The following ZNF652 variants were observed in gnomAD, a reference collection of about 807,000 sequenced individuals.
The protein encoded by ZNF652 is zinc finger protein 652.
A neutral mutation model predicts 45.2 loss-of-function variants in ZNF652; 16 were observed. The ratio of observed to expected loss-of-function variants is 0.35; its 90% confidence interval spans 0.24 to 0.54. The LOEUF (loss-of-function observed/expected upper bound fraction) is 0.54. ZNF652 is among the 20% of genes least tolerant of loss of function. The pLI is 0.91. For synonymous variants in ZNF652, 250 were observed against 260.6 expected, an observed-to-expected ratio of 0.96 and a Z score of 0.39; for missense variants, 614 against 765.6, an observed-to-expected ratio of 0.80 and a Z score of 2.34.
At chr17:49,356,452 T>A (rs867919806) in intron 1 of ZNF652, among the ~76,000 whole-genome samples, 1,301 of 47,532 alleles carry the variant, frequency 0.027, no homozygotes, top group Middle Eastern at 0.033. Flanking sequence ...AAAAAAAAAA[T>A]CAAAACCAAA....
At chr17:49,326,022 T>C (rs1598301510) in intron 1 of ZNF652, among the ~76,000 whole-genome samples, 1 of 152,008 alleles carries the variant, frequency 6.6e-6, no homozygotes, top group East Asian at 1.9e-4. Flanking sequence ...AATGGGGGCT[T>C]TTCGGAAAAG....
At chr17:49,320,961 T>C (rs1268925958) in intron 1 of ZNF652, among the ~76,000 whole-genome samples, 1 of 152,150 alleles carries the variant, frequency 6.6e-6, no homozygotes, top group African/African-American at 2.4e-5. Flanking sequence ...GCAATTCTCC[T>C]GCCTCAGCCT....
chr17:49,345,501 C>G (rs1314699581), intron 1 of ZNF652, among the ~76,000 whole-genome samples: 1 of 150,602 alleles, frequency 6.6e-6, no homozygotes, highest in Non-Finnish European at 1.5e-5. Flanking sequence ...CGCGCCTGGC[C>G]GTGTTATTTC....
At chr17:49,341,730 A>AT (rs2070148988) in intron 1 of ZNF652, among the ~76,000 whole-genome samples, 1 of 152,130 alleles carries the variant, frequency 6.6e-6, no homozygotes, top group Non-Finnish European at 1.5e-5. Flanking sequence ...AAAGCGTCTA[A>AT]TTTTCTCTTG....
At chr17:49,322,310 C>G (rs1317112858) in intron 1 of ZNF652, 1 of 152,158 alleles carries the variant, frequency 6.6e-6, no homozygotes, top group African/African-American at 2.4e-5. Context: ...CAAGCTTTCT[C>G]AAAATTACAA....
intron 5 of ZNF652, 60 bp from the exon 6 acceptor site, chr17:49,298,984 C>CTT (rs541337059): frequency 3.0e-5 from 36 of 1,203,730 alleles, no homozygotes; most frequent in African/African-American, 1.9e-4. Flanking sequence ...TGTGCTCAAG[C>CTT]TTTTTTTTTT....
At chr17:49,360,233 G>C (rs1352250280) in intron 1 of ZNF652, among the ~76,000 whole-genome samples, 1 of 152,120 alleles carries the variant, frequency 6.6e-6, no homozygotes, top group Non-Finnish European at 1.5e-5. Context: ...CTCAGGGCCA[G>C]ACAATGTACT....
At chr17:49,329,980 T>A (rs9891264) in intron 1 of ZNF652, among the ~76,000 whole-genome samples, 16,259 of 152,234 alleles carry the variant, frequency 0.11, 1,190 homozygotes, top group African/African-American at 0.2. Context: ...CTAATTAAGC[T>A]ATACCACAGG....
intron 5 of ZNF652, among the ~76,000 whole-genome samples, chr17:49,299,847 CTTTTT>C (rs562495965): frequency 7.4e-6 from 1 of 135,434 alleles, no homozygotes; most frequent in Non-Finnish European, 1.6e-5. Context: ...GCCTGGCTAT[CTTTTT>C]TTTTTTTTTT....
Position 49,317,425 on chromosome 17 carries a change from C to G in ZNF652, c.301G>C (p.Asp101His). 1.2e-6 allele frequency: 2 copies of G among 1,614,182 alleles called. No homozygotes were observed. Among genetic ancestry groups the G allele is most frequent in the Non-Finnish European group, 1.7e-6 (2 of 1,180,042 alleles). ...HAVKEDRENSDDTEEEEEEVS... is the reference protein window; with the variant it reads ...HAVKEDRENSHDTEEEEEEVS... ...TCTTCCTCTTCCTCCTCTGTGTCAT[C>G]AGAATTCTCCCGGTCTTCCTTAACA... is the stretch of plus-strand genomic sequence containing the variant. Residue 101 changes from aspartate (D) to histidine (H), a missense_variant, in exon 2 of 6, where the codon GAT (aspartate) becomes CAT (histidine). Physicochemically the swap from Asp to His is moderately conservative, Grantham distance 81. Around this residue, in one of 5 missense-constraint regions of ZNF652, gnomAD observed 133 missense variants for 132.2 expected, o/e 1.01. Transcript: ENST00000430262.
chr17:49,342,561 G>T lies in ZNF652; in HGVS notation c.-259+19348C>A, dbSNP rs1367813716. ...ATGCCAGATAACAGATAAAGGGGGG[G>T]GGGGGGGGGGAATCAATACATTTTC... On this transcript the variant is annotated intron_variant, in intron 1 of 5. Transcript: ENST00000430262. Among the ~76,000 whole-genome samples, 2 of 139,916 alleles carry T rather than the reference G, an allele frequency of 1.4e-5. 1 individual carries two copies. The highest frequency in any genetic ancestry group is 7.3e-3 in the Middle Eastern group (2 of 274). The allele number at this position is 139,916 out of a possible 152,430, so 91.8% of individuals were successfully genotyped here.
rs1406549052 is a variant in ZNF652 at position 49,295,958 on chromosome 17, A to C, written c.*2455T>G. The C allele has an allele frequency of 6.6e-6, 1 of 150,568 alleles. No individual in the cohort carries two copies. Among genetic ancestry groups the C allele is most frequent in the Admixed American group, 6.6e-5 (1 of 15,144 alleles). The allele number at this position is 150,568 out of a possible 1,614,324, so 9.3% of individuals were successfully genotyped here. On this transcript the variant is annotated 3_prime_UTR_variant, in exon 6 of 6. Coordinates refer to ENST00000430262, the MANE Select transcript of ZNF652 (RefSeq NM_001145365.3). ...GCCTCAAAAAAAAAAAAAAAAAAAA[A>C]AAAAAAACAGAACAAAATATAACCA...
rs1191776722 is a variant in ZNF652 at position 49,352,703 on chromosome 17, C to T, written c.-259+9206G>A. Among the ~76,000 whole-genome samples, 3 of 152,306 alleles carry T rather than the reference C, an allele frequency of 2.0e-5. No individual in the cohort carries two copies. The East Asian group carries it at 5.8e-4, about 29-fold the overall frequency. ...CATGAACATTTACAGTGGCTCTGTT[C>T]ATAATCACCCGAAACTGGAAGCCAA... On this transcript the variant is annotated intron_variant, in intron 1 of 5. Transcript: ENST00000430262.
chr17:49,360,574 TCA>T (rs1375596705), intron 1 of ZNF652, among the ~76,000 whole-genome samples: 2 of 152,042 alleles, frequency 1.3e-5, no homozygotes, highest in African/African-American at 4.8e-5. Flanking sequence ...CCACTGACAA[TCA>T]CAGTGTCAAG....
intron 1 of ZNF652, among the ~76,000 whole-genome samples, chr17:49,344,033 C>G (rs1316346534): frequency 6.6e-6 from 1 of 151,852 alleles, no homozygotes; most frequent in East Asian, 1.9e-4. Flanking sequence ...CCCGTCTCTA[C>G]TAAAAAATAC....
At chr17:49,342,005 G>C (rs1039282371) in intron 1 of ZNF652, among the ~76,000 whole-genome samples, 4 of 152,054 alleles carry the variant, frequency 2.6e-5, no homozygotes, top group African/African-American at 7.2e-5. Context: ...GACCAATATG[G>C]CGAAACCCCA....
chr17:49,332,450 T>C (rs2070035128), intron 1 of ZNF652, among the ~76,000 whole-genome samples: 1 of 152,146 alleles, frequency 6.6e-6, no homozygotes, highest in East Asian at 1.9e-4. Flanking sequence ...TTCCTTCCCA[T>C]AAGCCTGTAT....
chr17:49,351,027 A>ATG (rs2070275947), intron 1 of ZNF652, among the ~76,000 whole-genome samples: 12 of 85,714 alleles, frequency 1.4e-4, no homozygotes, highest in South Asian at 4.2e-4. Flanking sequence ...ACACACACAC[A>ATG]CACACACACA....
rs375621200 is a variant in ZNF652, at chr17:49,361,707, A to C, written c.-259+202T>G. ...AGCAGGAGCGGGGCGCCCCCAGCCC[A>C]AGCTGGGTGCCTGAGGAGCTCAGCG... is the stretch of plus-strand genomic sequence containing the variant. On this transcript the variant is annotated intron_variant, in intron 1 of 5. Coordinates refer to ENST00000430262, the MANE Select transcript of ZNF652 (RefSeq NM_001145365.3). 4.5e-3 allele frequency among the ~76,000 whole-genome samples: 683 copies of C among 151,864 alleles called. 4 individuals are homozygous for C. The highest frequency in any genetic ancestry group is 0.014 in the African/African-American group (597 of 41,458).
Sources: allele counts gnomAD v4.1 joint callset (sites outside exome capture counted in the v4.1 genomes callset), GRCh38; gene constraint gnomAD v4.1.1; regional missense constraint gnomAD v4.1.1; transcripts MANE v1.5; gene names NCBI Gene and HGNC (gene_info 2026-07-23, HGNC 2026-07-21).